SASS6: variants seen among roughly 807,000 people sequenced by gnomAD.
SASS6 encodes the protein spindle assembly abnormal protein 6 homolog.
SASS6 carries 59 observed loss-of-function variants against 94.9 expected under a neutral mutation model. The ratio of observed to expected loss-of-function variants is 0.62; its 90% CI spans 0.50 to 0.77. The LOEUF (loss-of-function observed/expected upper bound fraction) is 0.77, where lower values mean the gene tolerates loss of function less well. SASS6 is among the 30% of genes least tolerant of loss of function. The pLI, the probability that SASS6 is intolerant of heterozygous loss-of-function variation, is 0.00. For synonymous variants in SASS6, 264 were observed against 270.0 expected, an observed-to-expected ratio of 0.98 and a Z score of 0.22; for missense variants, 698 against 734.1, an observed-to-expected ratio of 0.95 and a Z score of 0.57.
Position 100,107,464 on chromosome 1 carries a change from T to C in SASS6, c.1236A>G (p.Glu412=). Residue 412 remains glutamate (E), a synonymous_variant, in exon 11 of 17, where the codon GAA becomes GAG. Coordinates refer to ENST00000287482, the MANE Select transcript of SASS6 (RefSeq NM_194292.3). ...TTTCCTCCTTCTCAGCCAAGAGTTTTTCTTGCTGAATAGTAACTGTATTCT... is the reference window on the plus strand; with the variant it reads ...TTTCCTCCTTCTCAGCCAAGAGTTTCTCTTGCTGAATAGTAACTGTATTCT... The part of the protein sequence containing the change: ...KLKNTVTIQQ[E]KLLAEKEEKL... The C allele has an allele frequency of 6.2e-7, 1 of 1,608,358 alleles. No individual in the cohort carries two copies. The highest frequency in any genetic ancestry group is 8.5e-7 in the Non-Finnish European group (1 of 1,175,060).
intron 14 of SASS6, among the ~76,000 whole-genome samples, chr1:100,092,383 A>G (rs1025544718): frequency 1.3e-5 from 2 of 152,212 alleles, no homozygotes; most frequent in Non-Finnish European, 2.9e-5. Flanking sequence ...AGGCATTCCC[A>G]GGGGAAGAAA....
intron 1 of SASS6, among the ~76,000 whole-genome samples, chr1:100,126,594 C>T (rs975078868): frequency 3.9e-5 from 6 of 151,960 alleles, no homozygotes; most frequent in East Asian, 3.9e-4. Flanking sequence ...CCTGTTAACA[C>T]GGCAAAACCT....
chr1:100,111,132 T>C (rs1653301431), intron 7 of SASS6, among the ~76,000 whole-genome samples: 1 of 151,996 alleles, frequency 6.6e-6, no homozygotes, highest in African/African-American at 2.4e-5. Context: ...AAAGCATATT[T>C]TTGTGGTTAT....
chr1:100,114,456 G>A (rs1225787057), intron 7 of SASS6, among the ~76,000 whole-genome samples: 3 of 151,872 alleles, frequency 2.0e-5, no homozygotes, highest in African/African-American at 7.2e-5. Context: ...GGCCAAGGCA[G>A]ATGGATCATT....
chr1:100,083,790 G>A lies in SASS6; in HGVS notation c.*1538C>T, dbSNP rs1464557608. 6.6e-6 allele frequency: 1 copy of A among 151,832 alleles called. No individual in the cohort carries two copies. The highest frequency in any genetic ancestry group is 1.5e-5 in the Non-Finnish European group (1 of 67,884). 9.4% of individuals were successfully genotyped at this position (151,832 alleles called of 1,614,324 possible). A position where few individuals can be genotyped will look rare whatever the true frequency, so the allele number is the denominator to read the frequency against. On this transcript the variant is annotated 3_prime_UTR_variant, in exon 17 of 17. Transcript: ENST00000287482. ...CTCTCCTGAAAATTCAACTTTCCTT[G>A]TGTATATATATGCAAAGAGATACCT...
At chr1:100,131,212 A>C (rs891355430) in intron 1 of SASS6, among the ~76,000 whole-genome samples, 3 of 149,752 alleles carry the variant, frequency 2.0e-5, no homozygotes, top group Non-Finnish European at 3.0e-5. Flanking sequence ...TTTTTCAGAG[A>C]CAGGATCTCG....
chr1:100,090,901 C>A (rs1651629681), intron 14 of SASS6, among the ~76,000 whole-genome samples: 1 of 152,154 alleles, frequency 6.6e-6, no homozygotes, highest in African/African-American at 2.4e-5. Context: ...TGACCCTAAT[C>A]AGCATACCAA....
In SASS6 at chr1:100,110,250, G is replaced by A. The variant is rs773864517; in HGVS notation, c.861+42C>T. Reference sequence around the variant, plus strand: ...CACATTAAAATAACCAAATCAAAACGTTCTCTTAAATTGGGGGAGGAAAAA... The same window carrying A: ...CACATTAAAATAACCAAATCAAAACATTCTCTTAAATTGGGGGAGGAAAAA... On this transcript the variant is annotated intron_variant, in intron 8 of 16. Coordinates refer to ENST00000287482, the MANE Select transcript of SASS6 (RefSeq NM_194292.3). 8 of 1,243,880 alleles carry A rather than the reference G, an allele frequency of 6.4e-6. No homozygotes were observed. The Admixed American group carries it at 7.6e-5, about 12-fold the overall frequency. The allele number at this position is 1,243,880 out of a possible 1,614,324, so 77.1% of individuals were successfully genotyped here. A position where few individuals can be genotyped will look rare whatever the true frequency, so the allele number is the denominator to read the frequency against.
In SASS6 at chr1:100,105,837, G is replaced by A. The variant is rs1369681084; in HGVS notation, c.1475C>T (p.Pro492Leu). The A allele has an allele frequency of 6.2e-7, 1 of 1,611,464 alleles. No individual in the cohort carries two copies. Among genetic ancestry groups the A allele is most frequent in the South Asian group, 1.1e-5 (1 of 90,784 alleles). The change falls in exon 13 of 17, where the codon CCT (proline) becomes CTT (leucine). Residue 492 changes from proline to leucine, a missense_variant. Physicochemically the swap from Pro to Leu is moderately conservative, Grantham distance 98. Transcript: ENST00000287482. ...QLVRKQDVLG[P>L]STTPPAHSSS... The stretch of plus-strand genomic sequence containing the variant: ...GGAATGTGCAGGCGGAGTAGTAGAA[G>A]GTCCCAATACATCTTGCTTTCTCAC...
At chr1:100,121,216 C>T (rs950639322) in intron 5 of SASS6, among the ~76,000 whole-genome samples, 162 bp downstream of exon 5, 7 of 152,074 alleles carry the variant, frequency 4.6e-5, no homozygotes, top group African/African-American at 1.7e-4. Flanking sequence ...AGATCCATCC[C>T]GACTATACCT....
rs750929575 is a variant in SASS6 at position 100,085,304 on chromosome 1, A to G, written c.*24T>C. 6.9e-7 allele frequency: 1 copy of G among 1,442,566 alleles called. No individual in the cohort carries two copies. Among genetic ancestry groups the G allele is most frequent in the South Asian group, 1.1e-5 (1 of 87,456 alleles). 89.4% of individuals were successfully genotyped at this position (1,442,566 alleles called of 1,614,324 possible). ...GCACCTGAGTTTCTAAAATACCAAT[A>G]AAAAGTAAAACATGACACTAGAATT... On this transcript the variant is annotated 3_prime_UTR_variant, in exon 17 of 17. Coordinates refer to ENST00000287482, the MANE Select transcript of SASS6 (RefSeq NM_194292.3).
Position 100,122,450 on chromosome 1 carries a change from A to G in SASS6, c.241T>C (p.Leu81=), listed in dbSNP as rs766267164. ...TCTATAAATTTTTGTGGGAAAGCTA[A>G]GAAGTCTACCAGAAGACCTTGCTGG... ...KFQQGLLVDF[L]AFPQKFIDLL... Residue 81 remains leucine (L), a synonymous_variant, in exon 4 of 17, where the codon TTA becomes CTA. Transcript: ENST00000287482. 3.8e-6 allele frequency: 6 copies of G among 1,576,410 alleles called. No homozygotes were observed.
chr1:100,130,316 T>C (rs983034924), intron 1 of SASS6, among the ~76,000 whole-genome samples: 1 of 152,190 alleles, frequency 6.6e-6, no homozygotes, highest in African/African-American at 2.4e-5. Flanking sequence ...TCCTCCACAC[T>C]TAGGACAGTT....
At chr1:100,110,991 T>C (rs1284474277) in intron 7 of SASS6, among the ~76,000 whole-genome samples, 1 of 152,004 alleles carries the variant, frequency 6.6e-6, no homozygotes, top group Non-Finnish European at 1.5e-5. Context: ...TTATAGTCAT[T>C]TTTACCAACA....
At position 100,108,509 on chromosome 1, in the gene SASS6, C is replaced by T. The variant is rs529543832; in HGVS notation, c.862-505G>A. Among the ~76,000 whole-genome samples the T allele has an allele frequency of 3.9e-5, 6 of 152,014 alleles. No homozygotes were observed. The South Asian group carries it at 8.3e-4, about 21-fold the overall frequency. ...TGTTCACTCTTTCAAGCAAAATAAA[C>T]AATAATTGTTCATTAAAAATAGATT... On this transcript the variant is annotated intron_variant, in intron 8 of 16. Transcript: ENST00000287482.
intron 14 of SASS6, among the ~76,000 whole-genome samples, chr1:100,100,299 C>T (rs933223684): frequency 6.6e-6 from 1 of 152,046 alleles, no homozygotes; most frequent in Non-Finnish European, 1.5e-5. Context: ...AATGAATAAA[C>T]AGTTTAGTTT....
chr1:100,118,727 A>G (rs375759027), intron 7 of SASS6, among the ~76,000 whole-genome samples: 5 of 145,718 alleles, frequency 3.4e-5, no homozygotes, highest in South Asian at 4.7e-4. Context: ...AAAACCCATT[A>G]TATGGGTACA....
chr1:100,102,860 C>T, intron 14 of SASS6, 95 bp downstream of exon 14: 2 of 958,592 alleles, frequency 2.1e-6, no homozygotes, highest in Non-Finnish European at 3.2e-6. Flanking sequence ...AACAACTGAC[C>T]AAAGAATAAA....
intron 1 of SASS6, among the ~76,000 whole-genome samples, chr1:100,131,100 T>C (rs1654980191): frequency 6.6e-6 from 1 of 152,214 alleles, no homozygotes; most frequent in Non-Finnish European, 1.5e-5. Context: ...CTCCTTTATC[T>C]TTCTATAATC....
Sources: allele counts gnomAD v4.1 joint callset (sites outside exome capture counted in the v4.1 genomes callset), GRCh38; gene constraint gnomAD v4.1.1; transcripts MANE v1.5; gene names NCBI Gene and HGNC (gene_info 2026-07-23, HGNC 2026-07-21).